FHIT: variants seen among roughly 807,000 people sequenced by gnomAD.
FHIT encodes bis(5'-adenosyl)-triphosphatase.
Under a neutral mutation model 17.9 loss-of-function variants are expected in FHIT, and 19 were observed. The observed-to-expected ratio is 1.06, with a 90% CI of 0.74 to 1.56. The LOEUF (loss-of-function observed/expected upper bound fraction) is 1.56, where lower values mean the gene tolerates loss of function less well. Among genes scored for constraint, FHIT ranks in the 40% most tolerant of loss-of-function variants. The pLI is 0.00. For missense variants in FHIT, 248 were observed against 189.2 expected (o/e 1.31, Z -1.82); for synonymous variants, 81 against 69.7 (o/e 1.16, Z -0.81).
At chr3:59,778,625 T>G (rs931997403) in intron 8 of FHIT, among the ~76,000 whole-genome samples, 2 of 152,146 alleles carry the variant, frequency 1.3e-5, no homozygotes, top group African/African-American at 4.8e-5. Flanking sequence ...GATAAAACTT[T>G]ATTTACAAAG....
intron 5 of FHIT, among the ~76,000 whole-genome samples, chr3:60,129,517 CA>C (rs1483978875): frequency 6.6e-6 from 1 of 152,168 alleles, no homozygotes. Context: ...TCCTAGACTA[CA>C]TGTTGATGTT....
chr3:61,159,207 T>C (rs2037618787), intron 2 of FHIT, among the ~76,000 whole-genome samples: 1 of 152,194 alleles, frequency 6.6e-6, no homozygotes, highest in South Asian at 2.1e-4. Flanking sequence ...GACTAACATT[T>C]TCTATCTGGT....
chr3:60,710,074 T>TAAAAA (rs782196858), intron 4 of FHIT, among the ~76,000 whole-genome samples: 2 of 80,586 alleles, frequency 2.5e-5, no homozygotes, highest in Non-Finnish European at 5.1e-5. Flanking sequence ...CACAGAATGC[T>TAAAAA]AAAAAAAAAA....
intron 5 of FHIT, among the ~76,000 whole-genome samples, chr3:60,316,774 A>T (rs1709182957): frequency 6.6e-6 from 1 of 152,230 alleles, no homozygotes; most frequent in Admixed American, 6.5e-5. Context: ...TACTTTTCTG[A>T]AAAGACTTGA....
chr3:60,124,021 G>T (rs1164847202), intron 5 of FHIT, among the ~76,000 whole-genome samples: 40 of 85,462 alleles, frequency 4.7e-4, no homozygotes, highest in African/African-American at 8.0e-4. Context: ...GAGAGAGAGA[G>T]AGAGAGAGAG....
intron 2 of FHIT, among the ~76,000 whole-genome samples, chr3:61,156,707 A>T (rs1323182312): frequency 6.6e-6 from 1 of 152,226 alleles, no homozygotes; most frequent in Non-Finnish European, 1.5e-5. Context: ...TATAATCTAT[A>T]CTGTGTCCCA....
At chr3:60,175,885 A>C (rs1044720573) in intron 5 of FHIT, among the ~76,000 whole-genome samples, 2 of 152,174 alleles carry the variant, frequency 1.3e-5, no homozygotes, top group African/African-American at 2.4e-5. Context: ...ACTCAGTCTG[A>C]AGTAGCACAC....
At chr3:60,274,998 G>C (rs1186858638) in intron 5 of FHIT, among the ~76,000 whole-genome samples, 1 of 152,004 alleles carries the variant, frequency 6.6e-6, no homozygotes, top group African/African-American at 2.4e-5. Context: ...TTTTAAAAAT[G>C]ATAGTCTCAA....
rs62249093 is a variant in FHIT, at chr3:60,608,288, C to A, written c.-17-71309G>T. Among the ~76,000 whole-genome samples the A allele has an allele frequency of 6.4e-3, 981 of 152,200 alleles. 4 individuals are homozygous for A. The highest frequency in any genetic ancestry group is 0.011 in the Non-Finnish European group (721 of 68,028). ...TAGGCCTGAGCCAATTATTCTAGACCAGAATCAGCGGGGGTAAACACAAAC... is the reference window on the plus strand; with the variant it reads ...TAGGCCTGAGCCAATTATTCTAGACAAGAATCAGCGGGGGTAAACACAAAC... On this transcript the variant is annotated intron_variant, in intron 4 of 9. Coordinates refer to ENST00000492590, the MANE Select transcript of FHIT (RefSeq NM_002012.4).
chr3:61,127,332 G>A (rs1396890649), intron 2 of FHIT, among the ~76,000 whole-genome samples: 2 of 152,168 alleles, frequency 1.3e-5, no homozygotes, highest in African/African-American at 4.8e-5. Flanking sequence ...CCACTCAGTT[G>A]TTTGGCATGA....
At chr3:60,857,232 A>G (rs1703425950) in intron 3 of FHIT, among the ~76,000 whole-genome samples, 1 of 152,150 alleles carries the variant, frequency 6.6e-6, no homozygotes, top group African/African-American at 2.4e-5. Flanking sequence ...ATGGTAAAAT[A>G]ATAAGAATAG....
At chr3:60,459,438 A>T (rs972474446) in intron 5 of FHIT, among the ~76,000 whole-genome samples, 1 of 152,230 alleles carries the variant, frequency 6.6e-6, no homozygotes, top group East Asian at 1.9e-4. Flanking sequence ...ATTCTCCATC[A>T]GCTATTAAGG....
chr3:61,177,087 G>A (rs1167712217), intron 2 of FHIT, among the ~76,000 whole-genome samples: 1 of 151,870 alleles, frequency 6.6e-6, no homozygotes, highest in Non-Finnish European at 1.5e-5. Context: ...TGAGGCAGGA[G>A]AATGGTGTGA....
chr3:61,242,741 G>A (rs767980904), intron 1 of FHIT, among the ~76,000 whole-genome samples: 6 of 152,118 alleles, frequency 3.9e-5, no homozygotes, highest in Non-Finnish European at 8.8e-5. Flanking sequence ...AGTGCTGATC[G>A]GTCGAATTGG....
chr3:60,603,719 G>C (rs2038517477), intron 4 of FHIT, among the ~76,000 whole-genome samples: 2 of 151,992 alleles, frequency 1.3e-5, no homozygotes, highest in South Asian at 4.2e-4. Context: ...TCTGGGTAAG[G>C]CATCATTGTG....
intron 5 of FHIT, among the ~76,000 whole-genome samples, chr3:60,158,977 T>C (rs925195410): frequency 1.3e-5 from 2 of 152,206 alleles, no homozygotes; most frequent in East Asian, 3.9e-4. Context: ...AGTGTGTTCC[T>C]GGAGGTCTCT....
chr3:61,059,012 A>G (rs1232792964), intron 2 of FHIT, among the ~76,000 whole-genome samples: 1 of 152,038 alleles, frequency 6.6e-6, no homozygotes, highest in Non-Finnish European at 1.5e-5. Flanking sequence ...GTAAAGAGGA[A>G]CTCTGGGAAC....
intron 8 of FHIT, among the ~76,000 whole-genome samples, chr3:59,795,001 T>A (rs1406225439): frequency 2.6e-5 from 4 of 151,890 alleles, no homozygotes; most frequent in African/African-American, 9.7e-5. Flanking sequence ...ATAATGGAAC[T>A]TACTTACTTA....
intron 4 of FHIT, among the ~76,000 whole-genome samples, chr3:60,634,788 A>G (rs898551987): frequency 2.6e-5 from 4 of 152,258 alleles, no homozygotes; most frequent in African/African-American, 9.6e-5. Flanking sequence ...GCTGTTTGCA[A>G]ATATTGGCTT....
Sources: allele counts gnomAD v4.1 joint callset (sites outside exome capture counted in the v4.1 genomes callset), GRCh38; gene constraint gnomAD v4.1.1; transcripts MANE v1.5; gene names NCBI Gene and HGNC (gene_info 2026-07-23, HGNC 2026-07-21).